SLC22A24: variants seen among roughly 807,000 people sequenced by gnomAD.
SLC22A24 encodes the protein steroid transmembrane transporter SLC22A24.
SLC22A24 carries 53 observed loss-of-function variants against 49.8 expected under a neutral mutation model. The ratio of observed to expected loss-of-function variants is 1.06; its 90% CI spans 0.85 to 1.34. SLC22A24 has a LOEUF of 1.34. SLC22A24 is among the 40% of genes most tolerant of loss of function. SLC22A24 has a pLI of 0.00. For synonymous variants in SLC22A24, 302 were observed against 256.4 expected (o/e 1.18, Z -1.70); for missense variants, 786 against 675.9 (o/e 1.16, Z -1.81).
At chr11:63,115,586 G>A (rs778734929) in intron 4 of SLC22A24, among the ~76,000 whole-genome samples, 2 of 152,118 alleles carry the variant, frequency 1.3e-5, no homozygotes, top group Non-Finnish European at 2.9e-5. Flanking sequence ...TGTCCAAGCA[G>A]TCCCAGTGAT....
intron 4 of SLC22A24, among the ~76,000 whole-genome samples, chr11:63,117,076 TG>T (rs1265070565): frequency 3.3e-5 from 5 of 152,252 alleles, no homozygotes; most frequent in Non-Finnish European, 2.9e-5. Flanking sequence ...ACATCTGGCT[TG>T]TCAGGTATAG....
chr11:63,109,980 G>A (rs998916504), intron 4 of SLC22A24, among the ~76,000 whole-genome samples: 6 of 152,150 alleles, frequency 3.9e-5, no homozygotes, highest in African/African-American at 1.2e-4. Flanking sequence ...TATGGTTTTA[G>A]ATCTAACGTT....
intron 6 of SLC22A24, among the ~76,000 whole-genome samples, chr11:63,086,997 T>C (rs1156276920): frequency 7.7e-6 from 1 of 130,204 alleles, no homozygotes; most frequent in Non-Finnish European, 1.6e-5. Flanking sequence ...GCAAAAAAAA[T>C]GAATTAAGCT....
chr11:63,106,119 C>A (rs1046410340), intron 4 of SLC22A24, among the ~76,000 whole-genome samples: 3 of 127,348 alleles, frequency 2.4e-5, no homozygotes, highest in African/African-American at 9.0e-5. Flanking sequence ...GTGTGATGTT[C>A]CCCTTCCTGT....
At chr11:63,108,328 C>T (rs763991139) in intron 4 of SLC22A24, among the ~76,000 whole-genome samples, 3 of 152,080 alleles carry the variant, frequency 2.0e-5, no homozygotes, top group Non-Finnish European at 4.4e-5. Context: ...CTGCTGGATT[C>T]GTTTTGCCAG....
intron 4 of SLC22A24, among the ~76,000 whole-genome samples, chr11:63,111,238 G>T (rs2134658657): frequency 6.6e-6 from 1 of 151,818 alleles, no homozygotes; most frequent in East Asian, 1.9e-4. Flanking sequence ...ATGTGCTGCT[G>T]GATTCGGTTT....
chr11:63,108,885 G>A (rs528954000), intron 4 of SLC22A24, among the ~76,000 whole-genome samples: 1 of 141,372 alleles, frequency 7.1e-6, no homozygotes, highest in Non-Finnish European at 1.5e-5. Flanking sequence ...TAGGGTACAT[G>A]TGCACATTGT....
intron 2 of SLC22A24, among the ~76,000 whole-genome samples, chr11:63,119,882 C>A (rs2134667247): frequency 6.6e-6 from 1 of 152,274 alleles, no homozygotes; most frequent in Admixed American, 6.5e-5. Flanking sequence ...AACAGTTCAG[C>A]ATTTTTTCAT....
intron 4 of SLC22A24, 64 bp downstream of exon 4, chr11:63,118,848 A>C: frequency 6.5e-7 from 1 of 1,530,582 alleles, no homozygotes; most frequent in Non-Finnish European, 8.9e-7. Flanking sequence ...CAGGTGTCAG[A>C]ATTTTCCTTT....
chr11:63,123,304 T>C (rs1382559734), intron 2 of SLC22A24, among the ~76,000 whole-genome samples: 1 of 152,170 alleles, frequency 6.6e-6, no homozygotes, highest in Non-Finnish European at 1.5e-5. Flanking sequence ...GGTAAGAGAA[T>C]GCCAATGCCA....
At chr11:63,102,016 A>G (rs2087094260) in intron 5 of SLC22A24, among the ~76,000 whole-genome samples, 1 of 152,140 alleles carries the variant, frequency 6.6e-6, no homozygotes, top group East Asian at 1.9e-4. Flanking sequence ...AATAAGGTCA[A>G]GTGTTTGATG....
At chr11:63,135,435 A>G (rs1181228765) in intron 1 of SLC22A24, among the ~76,000 whole-genome samples, 1 of 152,240 alleles carries the variant, frequency 6.6e-6, no homozygotes, top group Non-Finnish European at 1.5e-5. Context: ...CATTCCAAAT[A>G]CTTTACAAAT....
intron 4 of SLC22A24, among the ~76,000 whole-genome samples, chr11:63,108,844 T>C (rs1281349888): frequency 1.4e-5 from 2 of 138,918 alleles, no homozygotes; most frequent in African/African-American, 5.0e-5. Context: ...TTTACATTTC[T>C]TTTTTTTTAT....
At chr11:63,111,730 T>A (rs2087166674) in intron 4 of SLC22A24, among the ~76,000 whole-genome samples, 2 of 152,138 alleles carry the variant, frequency 1.3e-5, no homozygotes, top group Admixed American at 6.6e-5. Flanking sequence ...TCTATTTGAT[T>A]CTTCTCTCTT....
At chr11:63,113,219 T>TATATATACATATATATACACAC (rs1565332381) in intron 4 of SLC22A24, among the ~76,000 whole-genome samples, 1 of 5,172 alleles carries the variant, frequency 1.9e-4, no homozygotes, top group African/African-American at 2.6e-4. Context: ...TATACACATA[T>TATATATACATATATATACACAC]ATATATATAC....
At chr11:63,123,695 T>C (rs76003395) in intron 2 of SLC22A24, among the ~76,000 whole-genome samples, 2,782 of 152,300 alleles carry the variant, frequency 0.018, 92 homozygotes, top group African/African-American at 0.064. Flanking sequence ...TATATCCCCT[T>C]GGATTCTTCT....
chr11:63,095,948 G>T, intron 6 of SLC22A24, 43 bp downstream of exon 6: 1 of 1,324,578 alleles, frequency 7.5e-7, no homozygotes, highest in Non-Finnish European at 1.1e-6. Context: ...ACAGTTTTGT[G>T]TCTCCAATAT....
intron 2 of SLC22A24, among the ~76,000 whole-genome samples, chr11:63,130,473 A>C (rs1590748829): frequency 6.6e-6 from 1 of 152,298 alleles, no homozygotes; most frequent in African/African-American, 2.4e-5. Context: ...TGCTATCATG[A>C]TGATGCTGGT....
rs75726395 is a variant in SLC22A24, at chr11:63,081,045, C to T, written c.1473G>A (p.Ala491=). The part of the protein sequence containing the change: ...ALAPLLMTLM[A]YSPHLPWISY... ...AAATCCAGGGTAGGTGGGGAGAATA[C>T]GCCATTAAGGTCATCAACAGAGGAG... is the stretch of plus-strand genomic sequence containing the variant. Residue 491 remains alanine, a synonymous_variant, in exon 9 of 10, where the codon GCG becomes GCA. Transcript: ENST00000612278. 740 of 1,551,672 alleles carry T rather than the reference C, an allele frequency of 4.8e-4. 2 individuals are homozygous for T. In the African/African-American group the frequency reaches 7.3e-3, roughly 15 times the overall value.
Sources: gnomAD v4.1 joint callset for allele counts (sites outside exome capture counted in the v4.1 genomes callset) on GRCh38, gnomAD v4.1.1 for gene constraint, MANE v1.5 for transcripts, NCBI Gene and HGNC (gene_info 2026-07-23, HGNC 2026-07-21) for gene names.